CNGB1: variants seen among roughly 807,000 people sequenced by gnomAD.
CNGB1 encodes the protein cyclic nucleotide-gated channel beta-1.
A neutral mutation model predicts 151.7 loss-of-function variants in CNGB1; 126 were observed. The observed-to-expected ratio is 0.83, with a 90% CI of 0.72 to 0.96. The LOEUF (loss-of-function observed/expected upper bound fraction) is 0.96. Ranked by LOEUF, CNGB1 falls within the 40% of genes least tolerant of loss-of-function variation. CNGB1 has a pLI of 0.00. For synonymous variants in CNGB1, 623 were observed against 635.1 expected, an observed-to-expected ratio of 0.98 and a Z score of 0.29; for missense variants, 1,698 against 1,627.0, an observed-to-expected ratio of 1.04 and a Z score of -0.75.
chr16:57,969,696 T>G (rs1440597512), intron 1 of CNGB1, among the ~76,000 whole-genome samples: 1 of 152,238 alleles, frequency 6.6e-6, no homozygotes, highest in African/African-American at 2.4e-5. Context: ...TTTCATGATA[T>G]ACTGTGTTAT....
In CNGB1 at chr16:57,897,553, A is replaced by T. The variant is rs1426056370; in HGVS notation, c.3096-10T>A. Reference sequence around the variant, plus strand: ...CCCAACAGCCAGCAAGCTGGGGCAGAGAAGGGAGGAAGGAGGCCCTTCAGA... The same window carrying T: ...CCCAACAGCCAGCAAGCTGGGGCAGTGAAGGGAGGAAGGAGGCCCTTCAGA... On this transcript the variant is annotated splice_polypyrimidine_tract_variant and intron_variant, in intron 30 of 32. Coordinates refer to ENST00000251102, the MANE Select transcript of CNGB1 (RefSeq NM_001297.5). 6.2e-7 allele frequency: 1 copy of T among 1,613,792 alleles called. No individual in the cohort carries two copies. Among genetic ancestry groups the T allele is most frequent in the Non-Finnish European group, 8.5e-7 (1 of 1,180,032 alleles).
Position 57,962,852 on chromosome 16 carries a change from A to C in CNGB1, c.402T>G (p.Thr134=), listed in dbSNP as rs755240233. 6.2e-7 allele frequency: 1 copy of C among 1,612,776 alleles called. No individual in the cohort carries two copies. The highest frequency in any genetic ancestry group is 2.2e-5 in the East Asian group (1 of 44,870). The change falls in exon 6 of 33, where the codon ACT becomes ACG. Residue 134 remains threonine (T), a synonymous_variant. Transcript: ENST00000251102. ...GCCCCTTGTTCTTACCTGTGTCCCC[A>C]GTGCTGCCATGCCCCAGGATCTGCC... ...DPAQILGHGS[T]GDTGCTDEPN... is the part of the protein sequence containing the mutation.
chr16:57,929,468 A>AGAAAGAGG (rs1555490841), intron 17 of CNGB1, among the ~76,000 whole-genome samples: 1 of 88,612 alleles, frequency 1.1e-5, no homozygotes, highest in Admixed American at 9.6e-5. Flanking sequence ...AGAGGAAAAG[A>AGAAAGAGG]GAGAGAGGGA....
intron 23 of CNGB1, among the ~76,000 whole-genome samples, chr16:57,914,984 G>A (rs1352921104): frequency 6.6e-6 from 1 of 152,158 alleles, no homozygotes; most frequent in Non-Finnish European, 1.5e-5. Context: ...GTGACTTTGG[G>A]CAAATTAATT....
chr16:57,939,627 C>T lies in CNGB1; in HGVS notation c.1210-35G>A. 5 of 1,613,858 alleles carry T rather than the reference C, an allele frequency of 3.1e-6. No homozygotes were observed. In the South Asian group the frequency reaches 4.4e-5, roughly 14 times the overall value. ...ATAAAGTGAAAACAGAAACTGTGAC[C>T]ATCAGCCCCCAGCCCTAGTCTCAGC... On this transcript the variant is annotated intron_variant, in intron 15 of 32. Transcript: ENST00000251102.
rs115780718 is a variant in CNGB1 at position 57,950,818 on chromosome 16, C to A, written c.875-278G>T. ...TATGGTTGATCCTGTTTGTTTCTCA[C>A]GGGGGATTCCTTCTTAAAGGTTTGT... is the stretch of plus-strand genomic sequence containing the variant. On this transcript the variant is annotated intron_variant, in intron 12 of 32. Transcript: ENST00000251102. 1.2e-4 allele frequency among the ~76,000 whole-genome samples: 19 copies of A among 152,312 alleles called. No individual in the cohort carries two copies. In the East Asian group the frequency reaches 1.7e-3, roughly 14 times the overall value.
intron 16 of CNGB1, among the ~76,000 whole-genome samples, chr16:57,938,444 C>T (rs868622384): frequency 2.0e-5 from 3 of 152,206 alleles, no homozygotes. Flanking sequence ...TTGACTCCTC[C>T]CTCAGTGCCA....
At chr16:57,939,401 CA>C in intron 16 of CNGB1, 28 bp downstream of exon 16, 1 of 1,613,810 alleles carries the variant, frequency 6.2e-7, no homozygotes, top group African/African-American at 1.3e-5. Context: ...CATTCTTGCG[CA>C]ACCCATCACC....
chr16:57,963,757 GCT>G (rs1272973733), intron 4 of CNGB1, among the ~76,000 whole-genome samples: 1 of 152,210 alleles, frequency 6.6e-6, no homozygotes, highest in Admixed American at 6.5e-5. Context: ...TCACTATGCA[GCT>G]CTGACCCACT....
intron 16 of CNGB1, among the ~76,000 whole-genome samples, 175 bp downstream of exon 16, chr16:57,939,255 G>A (rs1961596063): frequency 6.6e-6 from 1 of 152,186 alleles, no homozygotes; most frequent in African/African-American, 2.4e-5. Context: ...CTCTGATAAT[G>A]TGGCCCCAAG....
chr16:57,956,394 A>G (rs1472628652), intron 12 of CNGB1, among the ~76,000 whole-genome samples: 52 of 152,110 alleles, frequency 3.4e-4, no homozygotes, highest in Non-Finnish European at 2.9e-5. Context: ...TGTCATCGCC[A>G]TGATTACCAT....
At position 57,917,269 on chromosome 16, in the gene CNGB1, A is replaced by G. The variant is rs759940951; in HGVS notation, c.2165T>C (p.Ile722Thr). Residue 722 changes from isoleucine to threonine, a missense_variant and splice_region_variant, in exon 21 of 33, where the codon ATT becomes ACT. By Grantham distance (89) the Ile-to-Thr change is moderately conservative. Transcript: ENST00000251102. ...RLQFVRGGDIITDKKDMRNNY... is the reference protein window; with the variant it reads ...RLQFVRGGDITTDKKDMRNNY... ...CAACACCACCTGCCTGTGACTCACA[A>G]TGATGTCCCCGCCTCTGACAAACTG... 5.6e-6 allele frequency: 9 copies of G among 1,612,210 alleles called. No individual in the cohort carries two copies. In the East Asian group the frequency reaches 2.0e-4, roughly 36 times the overall value.
Position 57,884,148 on chromosome 16 carries a change from T to C in CNGB1, c.*16A>G. 1.2e-6 allele frequency: 2 copies of C among 1,613,842 alleles called. No individual in the cohort carries two copies. Among genetic ancestry groups the C allele is most frequent in the Non-Finnish European group, 1.7e-6 (2 of 1,179,840 alleles). ...ACACCTGCTGGAACTGCGCGCGGGA[T>C]CCGCCTCACCCCACCTTACTCCGCC... On this transcript the variant is annotated 3_prime_UTR_variant, in exon 33 of 33. Transcript: ENST00000251102.
intron 17 of CNGB1, among the ~76,000 whole-genome samples, 182 bp from the exon 18 acceptor site, chr16:57,923,562 A>G (rs574096377): frequency 6.6e-6 from 1 of 152,262 alleles, no homozygotes; most frequent in Admixed American, 6.5e-5. Context: ...AGAGAGGGGC[A>G]TAGCCACTCT....
intron 14 of CNGB1, among the ~76,000 whole-genome samples, chr16:57,948,424 G>C (rs1961862659): frequency 6.6e-6 from 1 of 151,600 alleles, no homozygotes; most frequent in South Asian, 2.1e-4. Context: ...CAGAGTGCTG[G>C]GATTACAGGC....
At chr16:57,938,255 G>A (rs1209841191) in intron 16 of CNGB1, among the ~76,000 whole-genome samples, 1 of 152,158 alleles carries the variant, frequency 6.6e-6, no homozygotes, top group Non-Finnish European at 1.5e-5. Context: ...TTTCATCCAT[G>A]TGGGGACCCA....
intron 7 of CNGB1, 69 bp downstream of exon 7, chr16:57,962,496 T>TGAAACCAAGGACCTGTTCCTCCC (rs1316730535): frequency 3.2e-5 from 46 of 1,451,020 alleles, no homozygotes; most frequent in Non-Finnish European, 4.1e-5. Flanking sequence ...ACCCTGCTCC[T>TGAAACCAAGGACCTGTTCCTCCC]GAAACCAAGG....
At chr16:57,920,985 C>T (rs1331587374) in intron 18 of CNGB1, among the ~76,000 whole-genome samples, 1 of 152,122 alleles carries the variant, frequency 6.6e-6, no homozygotes, top group Non-Finnish European at 1.5e-5. Flanking sequence ...GTGGAAAAAG[C>T]AGTGCAGATA....
At chr16:57,890,094 C>T (rs572511494) in intron 31 of CNGB1, among the ~76,000 whole-genome samples, 3 of 152,296 alleles carry the variant, frequency 2.0e-5, no homozygotes, top group South Asian at 2.1e-4. Context: ...TACAAACATG[C>T]GGTGAGCAGT....
Sources: gnomAD v4.1 joint callset for allele counts (sites outside exome capture counted in the v4.1 genomes callset) on GRCh38, gnomAD v4.1.1 for gene constraint, MANE v1.5 for transcripts, NCBI Gene and HGNC (gene_info 2026-07-23, HGNC 2026-07-21) for gene names.